The following SIGLEC5 variants were observed in gnomAD, a reference collection of about 807,000 sequenced individuals.
The protein encoded by SIGLEC5 is sialic acid binding Ig like lectin 5, also known as sialic acid-binding Ig-like lectin 5.
In SIGLEC5, 34 loss-of-function variants were observed where a neutral mutation model predicts 45.9. That is an observed-to-expected ratio of 0.74 (90% CI 0.56 to 0.99). SIGLEC5 has a LOEUF of 0.99. Ranked by LOEUF, SIGLEC5 falls within the 50% of genes least tolerant of loss-of-function variation. The probability of loss-of-function intolerance (pLI) is 0.00; values close to 1 mark genes in which losing one functional copy is unlikely to be tolerated. For synonymous variants in SIGLEC5, 203 were observed against 258.6 expected, an observed-to-expected ratio of 0.79 and a Z score of 2.06; for missense variants, 508 against 629.6, an observed-to-expected ratio of 0.81 and a Z score of 2.07.
chr19:51,614,579 T>C (rs1356421421), intron 8 of SIGLEC5, among the ~76,000 whole-genome samples: 2 of 152,194 alleles, frequency 1.3e-5, no homozygotes, highest in Non-Finnish European at 2.9e-5. Flanking sequence ...ACCAGCATTA[T>C]GCAGGCAAAG....
At chr19:51,624,722 A>C (rs1242427178) in intron 8 of SIGLEC5, among the ~76,000 whole-genome samples, 1 of 152,092 alleles carries the variant, frequency 6.6e-6, no homozygotes, top group Non-Finnish European at 1.5e-5. Flanking sequence ...TAATCCCAGC[A>C]CTTTGGGAGG....
chr19:51,627,167 C>T lies in SIGLEC5; in HGVS notation c.1364G>A (p.Cys455Tyr). 1.2e-6 allele frequency: 2 copies of T among 1,613,908 alleles called. No homozygotes were observed. Among genetic ancestry groups the T allele is most frequent in the Non-Finnish European group, 8.5e-7 (1 of 1,179,818 alleles). ...GACTTACATTAAAAAGAAGATGAGG[C>T]ACAGACAGATACAGAGCAGGGCCAT... ...GVMALLCICL[C>Y]LIFFLIVKAR... The change falls in exon 7 of 9, where the codon TGC (cysteine) becomes TAC (tyrosine). Residue 455 changes from cysteine (C) to tyrosine (Y), a missense_variant. Around this residue, in one of 2 missense-constraint regions of SIGLEC5, gnomAD observed 431 missense variants for 428.8 expected, o/e 1.01. Coordinates refer to ENST00000683636, the MANE Select transcript of SIGLEC5 (RefSeq NM_003830.4).
At chr19:51,614,130 G>A (rs749963317) in intron 8 of SIGLEC5, among the ~76,000 whole-genome samples, 1 of 152,178 alleles carries the variant, frequency 6.6e-6, no homozygotes, top group Non-Finnish European at 1.5e-5. Context: ...AGCAACGTGA[G>A]TCTTCAAACA....
At chr19:51,615,786 CT>C (rs917554045) in intron 8 of SIGLEC5, among the ~76,000 whole-genome samples, 2 of 152,102 alleles carry the variant, frequency 1.3e-5, no homozygotes, top group African/African-American at 4.8e-5. Flanking sequence ...AGTCATTTCT[CT>C]TTTTTTGAGA....
At chr19:51,621,183 G>A (rs1011943083) in intron 8 of SIGLEC5, 1 of 152,174 alleles carries the variant, frequency 6.6e-6, no homozygotes, top group Non-Finnish European at 1.5e-5. Flanking sequence ...CAGAGGAGAT[G>A]GGTGTCACTA....
chr19:51,627,073 C>A, intron 7 of SIGLEC5, 76 bp downstream of exon 7: 2 of 1,156,538 alleles, frequency 1.7e-6, no homozygotes, highest in Non-Finnish European at 1.3e-6. Context: ...CTGGCCTTAG[C>A]TCTGTGTTTC....
At chr19:51,624,766 C>T (rs927190356) in intron 8 of SIGLEC5, among the ~76,000 whole-genome samples, 14 of 152,044 alleles carry the variant, frequency 9.2e-5, no homozygotes, top group African/African-American at 2.9e-4. Flanking sequence ...GTCAGGAGTT[C>T]GAGACCACCC....
rs1188765898 is a variant in SIGLEC5, at chr19:51,629,255, TTCTC to T, written c.700+99_700+102del. On this transcript the variant is annotated intron_variant, in intron 3 of 8. Transcript: ENST00000683636. ...AAGGTTTCTCAAGTTATTGTTTTGT[TTCTC>T]TCTGTCTTCCTTACACACACACACA... The T allele has an allele frequency of 5.5e-5, 84 of 1,529,004 alleles. No individual in the cohort carries two copies. The Admixed American group carries it at 8.6e-4, about 16-fold the overall frequency. 94.7% of individuals were successfully genotyped at this position (1,529,004 alleles called of 1,614,324 possible). A position where few individuals can be genotyped will look rare whatever the true frequency, so the allele number is the denominator to read the frequency against.
intron 4 of SIGLEC5, 125 bp downstream of exon 4, chr19:51,628,913 C>T (rs1983618255): frequency 3.1e-6 from 3 of 963,466 alleles, no homozygotes. Flanking sequence ...AGGTGGAAGC[C>T]AGAAGGCAGT....
intron 8 of SIGLEC5, among the ~76,000 whole-genome samples, chr19:51,622,055 A>G (rs976158980): frequency 1.1e-4 from 17 of 152,170 alleles, no homozygotes; most frequent in Non-Finnish European, 5.9e-5. Flanking sequence ...TTCCACATTG[A>G]GCTATAGATT....
chr19:51,625,365 A>C (rs1398213764), intron 8 of SIGLEC5, among the ~76,000 whole-genome samples: 5 of 152,232 alleles, frequency 3.3e-5, no homozygotes, highest in African/African-American at 1.2e-4. Context: ...AACAAACAAC[A>C]ACAACATTGA....
chr19:51,625,910 G>A, intron 8 of SIGLEC5, 122 bp downstream of exon 8: 1 of 713,328 alleles, frequency 1.4e-6, no homozygotes, highest in Non-Finnish European at 2.5e-6. Flanking sequence ...TATGAAGGGG[G>A]AGAACAGGAG....
At chr19:51,616,715 C>A (rs1249957706) in intron 8 of SIGLEC5, among the ~76,000 whole-genome samples, 1 of 151,770 alleles carries the variant, frequency 6.6e-6, no homozygotes, top group African/African-American at 2.4e-5. Flanking sequence ...AGTTCAAGAT[C>A]AGCTTGGCCG....
At position 51,627,702 on chromosome 19, in the gene SIGLEC5, C is replaced by T. The variant is rs1983547153; in HGVS notation, c.1042G>A (p.Gly348Ser). The T allele has an allele frequency of 1.2e-6, 2 of 1,602,266 alleles. No individual in the cohort carries two copies. The highest frequency in any genetic ancestry group is 2.7e-5 in the African/African-American group (2 of 74,660). Residue 348 changes from glycine (G) to serine (S), a missense_variant, in exon 6 of 9, where the codon GGT becomes AGT. Around this residue, in one of 2 missense-constraint regions of SIGLEC5, gnomAD observed 431 missense variants for 428.8 expected, o/e 1.01. Transcript: ENST00000683636. ...CGAAAGGAGCATCTGCAGTGCAGAC[C>T]CTCAGCCTCCCAGGAGCAGGAGGGG... is the stretch of plus-strand genomic sequence containing the variant. ...LGPSCSWEAE[G>S]LHCRCSFRAR... is the part of the protein sequence containing the mutation.
chr19:51,617,690 G>A (rs1050752066), intron 8 of SIGLEC5, among the ~76,000 whole-genome samples: 2 of 152,010 alleles, frequency 1.3e-5, no homozygotes, highest in South Asian at 2.1e-4. Flanking sequence ...AAACCCACTG[G>A]GGGGAAGAAT....
At chr19:51,615,629 T>C (rs140083181) in intron 8 of SIGLEC5, among the ~76,000 whole-genome samples, 13 of 152,318 alleles carry the variant, frequency 8.5e-5, no homozygotes, top group African/African-American at 3.1e-4. Flanking sequence ...TGGATCACAA[T>C]GCAACGAGAG....
intron 4 of SIGLEC5, among the ~76,000 whole-genome samples, chr19:51,628,377 G>A (rs376043818): frequency 4.1e-4 from 63 of 152,158 alleles, no homozygotes; most frequent in Non-Finnish European, 7.1e-4. Context: ...AATACAGTCC[G>A]CTAATGTGAC....
intron 8 of SIGLEC5, among the ~76,000 whole-genome samples, chr19:51,620,677 G>T (rs1399912429): frequency 6.6e-6 from 1 of 152,116 alleles, no homozygotes; most frequent in African/African-American, 2.4e-5. Context: ...AGATGCCCAT[G>T]GTCACTATGT....
intron 8 of SIGLEC5, among the ~76,000 whole-genome samples, chr19:51,616,462 T>C (rs1014552319): frequency 1.1e-4 from 17 of 152,058 alleles, no homozygotes; most frequent in African/African-American, 3.4e-4. Context: ...AAAAATATCA[T>C]AGGAAGAGCC....
Sources: allele counts gnomAD v4.1 joint callset (sites outside exome capture counted in the v4.1 genomes callset), GRCh38; gene constraint gnomAD v4.1.1; regional missense constraint gnomAD v4.1.1; transcripts MANE v1.5; gene names NCBI Gene and HGNC (gene_info 2026-07-23, HGNC 2026-07-21).